NPHP3: variants seen among roughly 807,000 people sequenced by gnomAD.
The protein encoded by NPHP3 is nephrocystin 3, also known as nephrocystin-3.
A neutral mutation model predicts 171.9 loss-of-function variants in NPHP3; 123 were observed. The ratio of observed to expected loss-of-function variants is 0.72; its 90% CI spans 0.62 to 0.83. NPHP3 has a LOEUF of 0.83. Ranked by LOEUF, NPHP3 falls within the 40% of genes least tolerant of loss-of-function variation. NPHP3 has a pLI of 0.00. For missense variants in NPHP3, 1,506 were observed against 1,591.9 expected (o/e 0.95, Z 0.92); for synonymous variants, 558 against 579.2 (o/e 0.96, Z 0.52).
Position 132,704,934 on chromosome 3 carries a change from A to G in NPHP3, c.1351-563T>C, listed in dbSNP as rs372684123. Reference sequence around the variant, plus strand: ...GTGAAGCTCAAATTTGATAAAGACAATCTTTATACTAGAGAGCACCATACA... The same window carrying G: ...GTGAAGCTCAAATTTGATAAAGACAGTCTTTATACTAGAGAGCACCATACA... On this transcript the variant is annotated intron_variant, in intron 8 of 26. Transcript: ENST00000337331. 3.7e-4 allele frequency among the ~76,000 whole-genome samples: 57 copies of G among 152,342 alleles called. No homozygotes were observed. The South Asian group carries it at 0.011, about 29-fold the overall frequency.
At chr3:132,702,137 G>C (rs1939627577) in intron 9 of NPHP3, among the ~76,000 whole-genome samples, 1 of 152,128 alleles carries the variant, frequency 6.6e-6, no homozygotes, top group Admixed American at 6.5e-5. Flanking sequence ...GTGGGGTTTT[G>C]CAACACTCAA....
At chr3:132,686,675 G>A (rs1404191193) in intron 22 of NPHP3, among the ~76,000 whole-genome samples, 1 of 152,068 alleles carries the variant, frequency 6.6e-6, no homozygotes, top group Non-Finnish European at 1.5e-5. Context: ...TTAATTTGCA[G>A]ATATTTATCA....
intron 6 of NPHP3, chr3:132,712,574 G>A: frequency 7.4e-6 from 3 of 404,614 alleles, no homozygotes; most frequent in Non-Finnish European, 1.5e-5. Flanking sequence ...AGACCATCCT[G>A]GCTAGCACAG....
chr3:132,688,789 C>A lies in NPHP3; in HGVS notation c.2986G>T (p.Val996Leu), dbSNP rs150867534. The change falls in exon 21 of 27, where the codon GTG becomes TTG. Residue 996 changes from valine to leucine, a missense_variant. Physicochemically the swap from Val to Leu is conservative, Grantham distance 32. Around this residue, in one of 3 missense-constraint regions of NPHP3, gnomAD observed 569 missense variants for 648.1 expected, o/e 0.88. Transcript: ENST00000337331. ...GCATTGCCAAACTTCTTCCACTGCACGTATACACTTGCTAGTTGGTGGAGG... is the reference window on the plus strand; with the variant it reads ...GCATTGCCAAACTTCTTCCACTGCAAGTATACACTTGCTAGTTGGTGGAGG... ...QSLHQLASVY[V>L]QWKKFGNAEQ... 1.2e-6 allele frequency: 2 copies of A among 1,614,050 alleles called. No homozygotes were observed. Among genetic ancestry groups the A allele is most frequent in the Admixed American group, 1.7e-5 (1 of 60,008 alleles).
chr3:132,700,001 C>A lies in NPHP3; in HGVS notation c.1804G>T (p.Glu602Ter). 1 of 1,614,154 alleles carries A rather than the reference C, an allele frequency of 6.2e-7. No individual in the cohort carries two copies. Among genetic ancestry groups the A allele is most frequent in the Non-Finnish European group, 8.5e-7 (1 of 1,180,020 alleles). Reference sequence around the variant, plus strand: ...AGTTTTTCCAGCCAACGTGGAAATTCTTCCAGAAGCTTAGCAGGATCCAGT... The same window carrying A: ...AGTTTTTCCAGCCAACGTGGAAATTATTCCAGAAGCTTAGCAGGATCCAGT... ...LTLDPAKLLE[E>*]FPRWLEKLSA... The change falls in exon 12 of 27, where the codon GAA becomes TAA. Residue 602 changes from glutamate (E) to a stop codon, truncating the protein, a stop_gained. Transcript: ENST00000337331. LOFTEE classifies it high-confidence loss of function.
chr3:132,699,281 T>A (rs1939540693), intron 13 of NPHP3, 72 bp downstream of exon 13: 1 of 1,020,784 alleles, frequency 9.8e-7, no homozygotes, highest in Non-Finnish European at 1.5e-6. Context: ...CATAAATGCA[T>A]ATTAAAAATC....
rs754237446 is a variant in NPHP3, at chr3:132,690,630, C to G, written c.2591G>C (p.Arg864Thr). 2 of 1,613,824 alleles carry G rather than the reference C, an allele frequency of 1.2e-6. No individual in the cohort carries two copies. The highest frequency in any genetic ancestry group is 3.3e-5 in the Admixed American group (2 of 60,014). ...AAGCCACGGGAGTTCATCTGCACTT[C>G]TCCAAGTCACTCTGTCCTGACTATC... is the stretch of plus-strand genomic sequence containing the variant. ...LQLSQDRVTW[R>T]SADELPWLFQ... Residue 864 changes from arginine (R) to threonine (T), a missense_variant, in exon 19 of 27, where the codon AGA (arginine) becomes ACA (threonine). This residue lies in a region of NPHP3 where 569 missense variants were observed against 648.1 expected (regional missense o/e 0.88). Transcript: ENST00000337331.
At chr3:132,708,074 T>C (rs756018531) in intron 7 of NPHP3, 27 bp downstream of exon 7, 5 of 1,612,124 alleles carry the variant, frequency 3.1e-6, no homozygotes, top group Non-Finnish European at 2.5e-6. Flanking sequence ...GCTAAGTGTG[T>C]TTTTCAAAAA....
intron 13 of NPHP3, among the ~76,000 whole-genome samples, chr3:132,697,950 T>A (rs1020948731): frequency 3.3e-5 from 5 of 152,012 alleles, no homozygotes; most frequent in Non-Finnish European, 7.4e-5. Flanking sequence ...AAAAACAGGT[T>A]GAGAAACACT....
At position 132,681,771 on chromosome 3, in the gene NPHP3, A is replaced by G; in HGVS notation, c.*139T>C. ...CAATTCCAACTTAATGTAATCCAAT[A>G]CAACTTCATACAAATAGCAGTTAAA... is the stretch of plus-strand genomic sequence containing the variant. On this transcript the variant is annotated 3_prime_UTR_variant, in exon 27 of 27. Transcript: ENST00000337331. 1 of 744,086 alleles carries G rather than the reference A, an allele frequency of 1.3e-6. No homozygotes were observed. The highest frequency in any genetic ancestry group is 1.6e-5 in the South Asian group (1 of 64,140). 46.1% of individuals were successfully genotyped at this position (744,086 alleles called of 1,614,324 possible). A position where few individuals can be genotyped will look rare whatever the true frequency, so the allele number is the denominator to read the frequency against.
At chr3:132,696,881 C>T in intron 14 of NPHP3, 68 bp from the exon 15 acceptor site, 1 of 1,233,142 alleles carries the variant, frequency 8.1e-7, no homozygotes, top group Non-Finnish European at 1.2e-6. Flanking sequence ...GCGGTCTTTA[C>T]TACCCAGCCA....
At position 132,719,093 on chromosome 3, in the gene NPHP3, T is replaced by C; in HGVS notation, c.571A>G (p.Arg191Gly). ...CTCTGAAGTTTGCTCTCCAACTCCC[T>C]CTTGGCCCTCAGTAAGTCCTGAATT... The part of the protein sequence containing the change: ...NEIQDLLRAK[R>G]ELESKLQRLQ... Residue 191 changes from arginine (R) to glycine (G), a missense_variant, in exon 3 of 27, where the codon AGG becomes GGG. By Grantham distance (125) the Arg-to-Gly change is moderately radical. Coordinates refer to ENST00000337331, the MANE Select transcript of NPHP3 (RefSeq NM_153240.5). The C allele has an allele frequency of 6.2e-7, 1 of 1,613,910 alleles. No homozygotes were observed. The highest frequency in any genetic ancestry group is 8.5e-7 in the Non-Finnish European group (1 of 1,179,786).
rs769918347 is a variant in NPHP3 at position 132,692,824 on chromosome 3, T to G, written c.2311-6A>C. 11 of 1,613,112 alleles carry G rather than the reference T, an allele frequency of 6.8e-6. No individual in the cohort carries two copies. Among genetic ancestry groups the G allele is most frequent in the Admixed American group, 1.7e-5 (1 of 59,996 alleles). On this transcript the variant is annotated splice_region_variant and splice_polypyrimidine_tract_variant and intron_variant, in intron 16 of 26. Transcript: ENST00000337331. ...ACATTGACAAGGCAGAGGATCTAGGTAGAAAAACAAATTAACAGTAATCAT... is the reference window on the plus strand; with the variant it reads ...ACATTGACAAGGCAGAGGATCTAGGGAGAAAAACAAATTAACAGTAATCAT...
intron 17 of NPHP3, among the ~76,000 whole-genome samples, chr3:132,692,045 G>A (rs561867701): frequency 5.3e-5 from 8 of 152,170 alleles, no homozygotes; most frequent in African/African-American, 4.8e-5. Context: ...CAGGCATACC[G>A]TTTTAAAACT....
chr3:132,707,247 T>C (rs926405323), intron 7 of NPHP3, among the ~76,000 whole-genome samples: 2 of 152,206 alleles, frequency 1.3e-5, no homozygotes, highest in African/African-American at 2.4e-5. Context: ...GAAAAGTCAC[T>C]ATAAAAAGTC....
chr3:132,681,875 T>A lies in NPHP3; in HGVS notation c.*35A>T. 1 of 1,563,964 alleles carries A rather than the reference T, an allele frequency of 6.4e-7. No individual in the cohort carries two copies. Among genetic ancestry groups the A allele is most frequent in the African/African-American group, 1.4e-5 (1 of 74,004 alleles). On this transcript the variant is annotated 3_prime_UTR_variant, in exon 27 of 27. Coordinates refer to ENST00000337331, the MANE Select transcript of NPHP3 (RefSeq NM_153240.5). ...TTCCAAATGTTTAATTATTTTGTCTTAAGGTACATTTGCAAAGAATTCTAA... is the reference window on the plus strand; with the variant it reads ...TTCCAAATGTTTAATTATTTTGTCTAAAGGTACATTTGCAAAGAATTCTAA...
chr3:132,701,669 C>A (rs984052995), intron 9 of NPHP3, 136 bp from the exon 10 acceptor site: 1 of 666,412 alleles, frequency 1.5e-6, no homozygotes, highest in South Asian at 1.7e-5. Context: ...AGTGACAGCA[C>A]CCTCATAATT....
At chr3:132,704,422 T>C (rs973723010) in intron 8 of NPHP3, 51 bp from the exon 9 acceptor site, 3 of 1,603,920 alleles carry the variant, frequency 1.9e-6, no homozygotes, top group Non-Finnish European at 2.6e-6. Context: ...ATAAAGATCT[T>C]ACAGCGGGGT....
chr3:132,699,552 T>C (rs1416064561), intron 12 of NPHP3, 102 bp from the exon 13 acceptor site: 1 of 833,336 alleles, frequency 1.2e-6, no homozygotes, highest in Non-Finnish European at 1.9e-6. Flanking sequence ...AAGTTTATCT[T>C]ATTAAGGATA....
Sources: gnomAD v4.1 joint callset for allele counts (sites outside exome capture counted in the v4.1 genomes callset) on GRCh38, gnomAD v4.1.1 for gene constraint, gnomAD v4.1.1 regional missense constraint, MANE v1.5 for transcripts, NCBI Gene and HGNC (gene_info 2026-07-23, HGNC 2026-07-21) for gene names.